Variants in PRKG2 observed in about 807,000 individuals in gnomAD.
PRKG2 encodes protein kinase cGMP-dependent 2.
In PRKG2, 33 loss-of-function variants were observed where a neutral mutation model predicts 97.2. The ratio of observed to expected loss-of-function variants is 0.34; its 90% CI spans 0.26 to 0.45. PRKG2 has a LOEUF of 0.45. Among genes scored for constraint, PRKG2 ranks in the 20% least tolerant of loss-of-function variants. PRKG2 has a pLI of 1.00. For missense variants in PRKG2, 638 were observed against 900.0 expected, an observed-to-expected ratio of 0.71 and a Z score of 3.73; for synonymous variants, 330 against 321.8, an observed-to-expected ratio of 1.03 and a Z score of -0.27.
At chr4:81,184,582 C>T (rs12331945) in intron 2 of PRKG2, among the ~76,000 whole-genome samples, 34,678 of 151,986 alleles carry the variant, frequency 0.23, 7,849 homozygotes, top group African/African-American at 0.58. Context: ...GAATGCCTCC[C>T]CTCCAAAGGA....
At chr4:81,106,397 G>T (rs962107021) in intron 15 of PRKG2, among the ~76,000 whole-genome samples, 4 of 152,180 alleles carry the variant, frequency 2.6e-5, no homozygotes, top group African/African-American at 9.7e-5. Flanking sequence ...TAGTGAAGTG[G>T]GCAGTGTGGC....
chr4:81,175,613 T>C (rs1750855183), intron 2 of PRKG2: 1 of 152,074 alleles, frequency 6.6e-6, no homozygotes, highest in African/African-American at 2.4e-5. Context: ...CAGACATAGA[T>C]GGTGACAGTG....
chr4:81,126,687 G>A (rs963389967), intron 14 of PRKG2, among the ~76,000 whole-genome samples: 4 of 151,992 alleles, frequency 2.6e-5, no homozygotes, highest in African/African-American at 7.3e-5. Flanking sequence ...TTTGAGAAGC[G>A]TCTGTTCCTC....
In PRKG2 at chr4:81,089,851, C is replaced by G. The variant is rs201695235; in HGVS notation, c.2194-48G>C. On this transcript the variant is annotated intron_variant, in intron 18 of 18. Transcript: ENST00000264399. ...AAAAGGAAGAATAATGTTGACCAAGCATGCTATCACATATGGGTAATGTTT... is the reference window on the plus strand; with the variant it reads ...AAAAGGAAGAATAATGTTGACCAAGGATGCTATCACATATGGGTAATGTTT... The G allele has an allele frequency of 4.3e-5, 61 of 1,419,104 alleles. No homozygotes were observed. In the African/African-American group the frequency reaches 7.4e-4, roughly 17 times the overall value. 87.9% of individuals were successfully genotyped at this position (1,419,104 alleles called of 1,614,324 possible).
intron 2 of PRKG2, among the ~76,000 whole-genome samples, chr4:81,182,176 C>T (rs1201435882): frequency 6.6e-6 from 1 of 151,406 alleles, no homozygotes; most frequent in Non-Finnish European, 1.5e-5. Flanking sequence ...AATATAATAT[C>T]CCTAATGAAT....
intron 14 of PRKG2, among the ~76,000 whole-genome samples, chr4:81,114,978 A>AT (rs1470447526): frequency 6.6e-6 from 1 of 151,998 alleles, no homozygotes; most frequent in African/African-American, 2.4e-5. Flanking sequence ...ATAGTCCACT[A>AT]TTTTCACTGC....
intron 6 of PRKG2, among the ~76,000 whole-genome samples, chr4:81,159,608 T>G (rs945913169): frequency 2.0e-5 from 3 of 152,110 alleles, no homozygotes; most frequent in African/African-American, 4.8e-5. Flanking sequence ...CCTATTACTG[T>G]GTATATACCC....
At chr4:81,206,877 C>CA (rs1292391552) in intron 1 of PRKG2, among the ~76,000 whole-genome samples, 2 of 152,046 alleles carry the variant, frequency 1.3e-5, no homozygotes, top group Non-Finnish European at 2.9e-5. Context: ...ATGGATGGTG[C>CA]AAAAAACAAA....
intron 14 of PRKG2, among the ~76,000 whole-genome samples, chr4:81,114,639 T>C (rs1360895847): frequency 1.3e-5 from 2 of 152,172 alleles, no homozygotes; most frequent in Non-Finnish European, 2.9e-5. Context: ...AATTGATACA[T>C]ACAAAATAAT....
At position 81,180,998 on chromosome 4, in the gene PRKG2, C is replaced by G. The variant is rs533858544; in HGVS notation, c.462-6039G>C. Among the ~76,000 whole-genome samples, 166 of 126,956 alleles carry G rather than the reference C, an allele frequency of 1.3e-3. 1 individual carries two copies. Among genetic ancestry groups the G allele is most frequent in the African/African-American group, 4.3e-3 (160 of 37,090 alleles). The allele number at this position is 126,956 out of a possible 152,430, so 83.3% of individuals were successfully genotyped here. A position where few individuals can be genotyped will look rare whatever the true frequency, so the allele number is the denominator to read the frequency against. ...ATCCCTCCCCCCTCCCCCCACCCCA[C>G]AGCAGTCCCCGGAGTGTGATGTTCC... On this transcript the variant is annotated intron_variant, in intron 2 of 18. Coordinates refer to ENST00000264399, the MANE Select transcript of PRKG2 (RefSeq NM_006259.3).
chr4:81,100,057 TAA>T (rs1176238597), intron 17 of PRKG2, among the ~76,000 whole-genome samples: 1 of 151,518 alleles, frequency 6.6e-6, no homozygotes, highest in Non-Finnish European at 1.5e-5. Flanking sequence ...CTCGATGAAA[TAA>T]AAGAGGATAC....
At chr4:81,214,142 G>A (rs1203428074) in intron 1 of PRKG2, among the ~76,000 whole-genome samples, 1 of 130,928 alleles carries the variant, frequency 7.6e-6, no homozygotes, top group Non-Finnish European at 1.6e-5. Context: ...GGTGTATGTT[G>A]CTCTCTTCCT....
intron 17 of PRKG2, among the ~76,000 whole-genome samples, chr4:81,093,599 G>A (rs920181571): frequency 1.1e-4 from 16 of 152,126 alleles, no homozygotes; most frequent in Middle Eastern, 3.4e-3. Flanking sequence ...ATGGGACAGG[G>A]GCTCAATAAA....
chr4:81,116,649 G>A (rs566132971), intron 14 of PRKG2, among the ~76,000 whole-genome samples: 51 of 152,212 alleles, frequency 3.4e-4, no homozygotes, highest in Non-Finnish European at 6.6e-4. Context: ...CAGTGTAAGT[G>A]TTCTCTTTTC....
intron 6 of PRKG2, among the ~76,000 whole-genome samples, chr4:81,161,767 A>G (rs960920215): frequency 1.3e-5 from 2 of 152,164 alleles, no homozygotes; most frequent in African/African-American, 4.8e-5. Context: ...GACCCCAACC[A>G]GAAATAATTC....
At chr4:81,149,537 T>C (rs1020137718) in intron 8 of PRKG2, among the ~76,000 whole-genome samples, 2 of 152,172 alleles carry the variant, frequency 1.3e-5, no homozygotes, top group African/African-American at 2.4e-5. Flanking sequence ...CATTTTCTTT[T>C]TCTTAGGTGT....
At chr4:81,167,270 T>C in intron 5 of PRKG2, 46 bp from the exon 6 acceptor site, 4 of 1,259,844 alleles carry the variant, frequency 3.2e-6, no homozygotes, top group Non-Finnish European at 4.5e-6. Flanking sequence ...TGAATTAAAC[T>C]ATAAATATAC....
At position 81,194,015 on chromosome 4, in the gene PRKG2, A is replaced by G. The variant is rs149241825; in HGVS notation, c.461+10572T>C. Among the ~76,000 whole-genome samples the G allele has an allele frequency of 5.1e-3, 779 of 152,196 alleles. 6 individuals are homozygous for G. The highest frequency in any genetic ancestry group is 0.031 in the Middle Eastern group (9 of 294). Reference sequence around the variant, plus strand: ...CAGGCCTCTTTGTCTCCTATAATCTATTCCTCCTTAAAAACCCAGCTAGAG... The same window carrying G: ...CAGGCCTCTTTGTCTCCTATAATCTGTTCCTCCTTAAAAACCCAGCTAGAG... On this transcript the variant is annotated intron_variant, in intron 2 of 18. Coordinates refer to ENST00000264399, the MANE Select transcript of PRKG2 (RefSeq NM_006259.3).
At chr4:81,151,831 C>A in intron 8 of PRKG2, 129 bp downstream of exon 8, 1 of 691,892 alleles carries the variant, frequency 1.4e-6, no homozygotes, top group Non-Finnish European at 2.4e-6. Context: ...GAAATCACTT[C>A]AAAATATTTA....
Sources: gnomAD v4.1 joint callset for allele counts (sites outside exome capture counted in the v4.1 genomes callset) on GRCh38, gnomAD v4.1.1 for gene constraint, MANE v1.5 for transcripts, NCBI Gene and HGNC (gene_info 2026-07-23, HGNC 2026-07-21) for gene names.